The following CHST11 variants were observed in gnomAD, a reference collection of about 807,000 sequenced individuals.
The protein encoded by CHST11 is carbohydrate sulfotransferase 11, also known as C4S-1.
CHST11 carries 9 observed loss-of-function variants against 30.4 expected under a neutral mutation model. The ratio of observed to expected loss-of-function variants is 0.30; its 90% CI spans 0.18 to 0.52. CHST11 has a LOEUF of 0.52. Among genes scored for constraint, CHST11 ranks in the 20% least tolerant of loss-of-function variants. CHST11 has a pLI of 0.97. For synonymous variants in CHST11, 152 were observed against 187.8 expected (o/e 0.81, Z 1.56); for missense variants, 348 against 460.6 (o/e 0.76, Z 2.24).
intron 1 of CHST11, among the ~76,000 whole-genome samples, chr12:104,598,676 A>C (rs2038928971): frequency 6.6e-6 from 1 of 152,220 alleles, no homozygotes; most frequent in Non-Finnish European, 1.5e-5. Flanking sequence ...GAGAAACTCT[A>C]GTTTTTGGAA....
intron 2 of CHST11, among the ~76,000 whole-genome samples, chr12:104,699,566 G>C (rs569506191): frequency 6.6e-6 from 1 of 152,154 alleles, no homozygotes; most frequent in East Asian, 1.9e-4. Context: ...TGAGGACATG[G>C]TGCTTCCCTC....
intron 1 of CHST11, among the ~76,000 whole-genome samples, chr12:104,467,416 G>C (rs1484402305): frequency 6.6e-6 from 1 of 152,204 alleles, no homozygotes; most frequent in Non-Finnish European, 1.5e-5. Flanking sequence ...TCCAGGACTA[G>C]ACCTGCCTTG....
In CHST11 at chr12:104,757,624, G is replaced by A. The variant is rs1183278790; in HGVS notation, c.880G>A (p.Gly294Arg). 1.2e-6 allele frequency: 2 copies of A among 1,614,172 alleles called. No homozygotes were observed. Among genetic ancestry groups the A allele is most frequent in the Admixed American group, 3.3e-5 (2 of 60,024 alleles). Residue 294 changes from glycine to arginine, a missense_variant, in exon 3 of 3, where the codon GGA (glycine) becomes AGA (arginine). Physicochemically the swap from Gly to Arg is moderately radical, Grantham distance 125. This residue lies in a region of CHST11 where 210 missense variants were observed against 287.2 expected (regional missense o/e 0.73). Transcript: ENST00000303694. This position sits in a 1 kb window ranked among gnomAD's most constrained non-coding sequence, Gnocchi z 6.5. ...EDSNYVLQLA[G>R]VGSYLKFPTY... ...TTCTAATTACGTCCTGCAGCTGGCA[G>A]GAGTGGGCAGCTACCTGAAGTTCCC...
chr12:104,728,702 C>A (rs1037016584), intron 2 of CHST11, among the ~76,000 whole-genome samples: 1 of 152,184 alleles, frequency 6.6e-6, no homozygotes, highest in Admixed American at 6.5e-5. Context: ...CTCCTGAAGT[C>A]CCAACCCTAC....
intron 2 of CHST11, among the ~76,000 whole-genome samples, chr12:104,618,824 A>C (rs1423665855): frequency 6.6e-6 from 1 of 152,210 alleles, no homozygotes; most frequent in African/African-American, 2.4e-5. Flanking sequence ...ACCATGATTC[A>C]GTCCAGCTCT....
intron 1 of CHST11, among the ~76,000 whole-genome samples, chr12:104,583,355 A>G (rs896768136): frequency 4.6e-5 from 7 of 152,070 alleles, no homozygotes; most frequent in African/African-American, 1.4e-4. Context: ...TGGAGGGTCT[A>G]TGGAATGGGG....
intron 1 of CHST11, among the ~76,000 whole-genome samples, chr12:104,487,726 C>T (rs1216403806): frequency 2.5e-5 from 3 of 120,588 alleles, no homozygotes; most frequent in Admixed American, 2.4e-4. Context: ...CAGTATGTAC[C>T]TATTTTTTTT....
rs1045292617 is a variant in CHST11, at chr12:104,758,624, T to C, written c.*821T>C. 1 of 152,138 alleles carries C rather than the reference T, an allele frequency of 6.6e-6. No homozygotes were observed. The highest frequency in any genetic ancestry group is 2.4e-5 in the African/African-American group (1 of 41,424). The allele number at this position is 152,138 out of a possible 1,614,324, so 9.4% of individuals were successfully genotyped here. A position where few individuals can be genotyped will look rare whatever the true frequency, so the allele number is the denominator to read the frequency against. On this transcript the variant is annotated 3_prime_UTR_variant, in exon 3 of 3. Transcript: ENST00000303694. ...TGAACAAACCCAATAGTCTTGGCCC[T>C]CAAAAAGCTTTATGTGACATAGAGC...
At chr12:104,613,482 T>G (rs895486838) in intron 2 of CHST11, among the ~76,000 whole-genome samples, 1 of 152,106 alleles carries the variant, frequency 6.6e-6, no homozygotes, top group African/African-American at 2.4e-5. Flanking sequence ...GGGAGGTGAT[T>G]GGATCATGGG....
chr12:104,522,390 G>A (rs977051823), intron 1 of CHST11, among the ~76,000 whole-genome samples: 4 of 152,218 alleles, frequency 2.6e-5, no homozygotes, highest in African/African-American at 9.6e-5. Context: ...CTCACTTCGT[G>A]TTTGGCATTT....
chr12:104,579,246 G>A lies in CHST11; in HGVS notation c.119-22660G>A, dbSNP rs563259192. On this transcript the variant is annotated intron_variant, in intron 1 of 2. Transcript: ENST00000303694. Reference sequence around the variant, plus strand: ...AGTGAATATCTGCTCTTTCTTTTTAGCCTTCATGTGGGAGGCAGTTGTTGT... The same window carrying A: ...AGTGAATATCTGCTCTTTCTTTTTAACCTTCATGTGGGAGGCAGTTGTTGT... Among the ~76,000 whole-genome samples, 4 of 152,278 alleles carry A rather than the reference G, an allele frequency of 2.6e-5. No homozygotes were observed. The East Asian group carries it at 5.8e-4, about 22-fold the overall frequency.
At chr12:104,474,651 T>C (rs1254710781) in intron 1 of CHST11, among the ~76,000 whole-genome samples, 1 of 152,080 alleles carries the variant, frequency 6.6e-6, no homozygotes, top group African/African-American at 2.4e-5. Context: ...TTTATTTTCA[T>C]GGGAAATAAA....
chr12:104,609,580 A>C (rs1402803916), intron 2 of CHST11, among the ~76,000 whole-genome samples: 1 of 152,210 alleles, frequency 6.6e-6, no homozygotes, highest in Non-Finnish European at 1.5e-5. Flanking sequence ...TTTAGAGGAA[A>C]GGATTGGATG....
intron 1 of CHST11, among the ~76,000 whole-genome samples, chr12:104,519,724 T>C (rs2038058187): frequency 1.3e-5 from 2 of 152,202 alleles, no homozygotes; most frequent in Non-Finnish European, 2.9e-5. Context: ...TTTTGCATGA[T>C]AGCCTGTTAG....
intron 2 of CHST11, among the ~76,000 whole-genome samples, chr12:104,663,579 G>T (rs2039616504): frequency 6.6e-6 from 1 of 151,994 alleles, no homozygotes; most frequent in Non-Finnish European, 1.5e-5. Context: ...TCATTTTTGA[G>T]CAGTTTTTCT....
chr12:104,686,879 C>A (rs1471987518), intron 2 of CHST11, among the ~76,000 whole-genome samples: 1 of 152,220 alleles, frequency 6.6e-6, no homozygotes, highest in Non-Finnish European at 1.5e-5. Context: ...AACTCCTGAC[C>A]TCAGGTGATC....
At chr12:104,666,195 C>T (rs147937786) in intron 2 of CHST11, among the ~76,000 whole-genome samples, 81 of 152,202 alleles carry the variant, frequency 5.3e-4, no homozygotes, top group African/African-American at 1.8e-3. Flanking sequence ...CTACTAATTG[C>T]AAGTTCTGTT....
chr12:104,488,641 G>C (rs879439268), intron 1 of CHST11, among the ~76,000 whole-genome samples: 147 of 137,506 alleles, frequency 1.1e-3, no homozygotes, highest in Non-Finnish European at 1.9e-3. Context: ...GTGTGTGCGT[G>C]TGTATGTGTG....
rs76126460 is a variant in CHST11, at chr12:104,719,416, A to C, written c.205-37533A>C. On this transcript the variant is annotated intron_variant, in intron 2 of 2. Coordinates refer to ENST00000303694, the MANE Select transcript of CHST11 (RefSeq NM_018413.6). ...GAGATCCGAAGTTCTGGAAGTCAACACACCATCCACCCACGCTCCCCTTGC... is the reference window on the plus strand; with the variant it reads ...GAGATCCGAAGTTCTGGAAGTCAACCCACCATCCACCCACGCTCCCCTTGC... Among the ~76,000 whole-genome samples, 672 of 152,290 alleles carry C rather than the reference A, an allele frequency of 4.4e-3. 7 individuals are homozygous for C. The highest frequency in any genetic ancestry group is 0.016 in the African/African-American group (652 of 41,560).
Sources: gnomAD v4.1 joint callset for allele counts (sites outside exome capture counted in the v4.1 genomes callset) on GRCh38, gnomAD v4.1.1 for gene constraint, gnomAD v4.1.1 regional missense constraint, Gnocchi (gnomAD v3.1) non-coding constraint, MANE v1.5 for transcripts, NCBI Gene and HGNC (gene_info 2026-07-23, HGNC 2026-07-21) for gene names.